The following ST6GALNAC3 variants were observed in gnomAD, a reference collection of about 807,000 sequenced individuals.
ST6GALNAC3 encodes the protein alpha-N-acetylgalactosaminide alpha-2,6-sialyltransferase 3.
In ST6GALNAC3, 25 loss-of-function variants were observed where a neutral mutation model predicts 32.7. The ratio of observed to expected loss-of-function variants is 0.76; its 90% CI spans 0.56 to 1.07. The LOEUF is 1.07. Ranked by LOEUF, ST6GALNAC3 falls within the 50% of genes least tolerant of loss-of-function variation. The probability of loss-of-function intolerance (pLI) is 0.00; values close to 1 mark genes in which losing one functional copy is unlikely to be tolerated. For synonymous variants in ST6GALNAC3, 129 were observed against 133.1 expected (o/e 0.97, Z 0.21); for missense variants, 355 against 382.4 (o/e 0.93, Z 0.60).
chr1:76,629,175 G>T lies in ST6GALNAC3; in HGVS notation c.*369G>T. 9.8e-7 allele frequency: 1 copy of T among 1,018,492 alleles called. No individual in the cohort carries two copies. Among genetic ancestry groups the T allele is most frequent in the Non-Finnish European group, 1.2e-6 (1 of 852,728 alleles). 63.1% of individuals were successfully genotyped at this position (1,018,492 alleles called of 1,614,324 possible). A position where few individuals can be genotyped will look rare whatever the true frequency, so the allele number is the denominator to read the frequency against. ...TAACTTCCAGAAGCCAAAAGAGTTT[G>T]GCTTCATGAGGCAAGGTGATTGACT... On this transcript the variant is annotated 3_prime_UTR_variant, in exon 5 of 5. Transcript: ENST00000328299.
chr1:76,573,646 T>G (rs561088052), intron 3 of ST6GALNAC3, among the ~76,000 whole-genome samples: 89 of 142,752 alleles, frequency 6.2e-4, no homozygotes, highest in African/African-American at 2.5e-3. Context: ...CAAGGTAGTG[T>G]CTTCCCCCTT....
At chr1:76,481,652 A>G (rs577656602) in intron 3 of ST6GALNAC3, among the ~76,000 whole-genome samples, 2 of 152,318 alleles carry the variant, frequency 1.3e-5, no homozygotes, top group Non-Finnish European at 2.9e-5. Flanking sequence ...TTTAACAATC[A>G]TAGTTCATCA....
chr1:76,151,394 C>T (rs1651031367), intron 1 of ST6GALNAC3, among the ~76,000 whole-genome samples: 1 of 152,180 alleles, frequency 6.6e-6, no homozygotes, highest in African/African-American at 2.4e-5. Flanking sequence ...AAGGCCAGGC[C>T]ATTTGAAAAG....
chr1:76,310,678 C>T (rs74669692), intron 1 of ST6GALNAC3, among the ~76,000 whole-genome samples: 283 of 152,258 alleles, frequency 1.9e-3, no homozygotes, highest in African/African-American at 6.6e-3. Context: ...CTAATTCCAC[C>T]GGGTAGTGGT....
chr1:76,202,268 A>ATGTG (rs58107501), intron 1 of ST6GALNAC3, among the ~76,000 whole-genome samples: 48,724 of 145,200 alleles, frequency 0.34, 8,856 homozygotes, highest in East Asian at 0.59. Context: ...GTGTGCATGC[A>ATGTG]TGTGTGTGTG....
At chr1:76,411,853 C>G in intron 2 of ST6GALNAC3, 155 bp from the exon 3 acceptor site, 1 of 703,154 alleles carries the variant, frequency 1.4e-6, no homozygotes, top group Non-Finnish European at 2.2e-6. Flanking sequence ...ACTTGATAAT[C>G]TGTGGCAGCG....
At chr1:76,478,767 T>TTTTC (rs1659517763) in intron 3 of ST6GALNAC3, among the ~76,000 whole-genome samples, 1 of 142,824 alleles carries the variant, frequency 7.0e-6, no homozygotes, top group Non-Finnish European at 1.5e-5. Flanking sequence ...ATTCTTTTTT[T>TTTTC]TTTTTTTTTT....
chr1:76,364,897 G>A (rs998696383), intron 2 of ST6GALNAC3, among the ~76,000 whole-genome samples: 1 of 152,110 alleles, frequency 6.6e-6, no homozygotes, highest in Non-Finnish European at 1.5e-5. Flanking sequence ...CTTAGTTCAG[G>A]CACTATGGAA....
chr1:76,370,475 C>T (rs946254858), intron 2 of ST6GALNAC3, among the ~76,000 whole-genome samples: 9 of 152,110 alleles, frequency 5.9e-5, no homozygotes, highest in Admixed American at 2.0e-4. Flanking sequence ...GACATATCCC[C>T]GGACTAAAAC....
intron 1 of ST6GALNAC3, among the ~76,000 whole-genome samples, chr1:76,098,528 G>A (rs1237805371): frequency 6.6e-6 from 1 of 152,124 alleles, no homozygotes; most frequent in Non-Finnish European, 1.5e-5. Context: ...TTAAGAATGA[G>A]GTTGAACACC....
chr1:76,443,639 A>G (rs1449539775), intron 3 of ST6GALNAC3, among the ~76,000 whole-genome samples: 1 of 152,180 alleles, frequency 6.6e-6, no homozygotes, highest in Non-Finnish European at 1.5e-5. Flanking sequence ...TAAACCAAAA[A>G]GTATTTGGCT....
chr1:76,620,558 C>T (rs544664856), intron 3 of ST6GALNAC3, among the ~76,000 whole-genome samples: 76 of 152,140 alleles, frequency 5.0e-4, no homozygotes, highest in Non-Finnish European at 7.2e-4. Context: ...TAGATGGCTG[C>T]CCTCTGGCTG....
chr1:76,523,391 C>A (rs952865169), intron 3 of ST6GALNAC3, among the ~76,000 whole-genome samples: 6 of 152,040 alleles, frequency 3.9e-5, no homozygotes, highest in African/African-American at 1.5e-4. Context: ...CTGTCTCTTG[C>A]CATGCCCAAA....
At chr1:76,290,393 C>T (rs1660016269) in intron 1 of ST6GALNAC3, among the ~76,000 whole-genome samples, 1 of 152,126 alleles carries the variant, frequency 6.6e-6, no homozygotes, top group Non-Finnish European at 1.5e-5. Context: ...AGATCTACCT[C>T]ACTCCTTTCA....
intron 2 of ST6GALNAC3, among the ~76,000 whole-genome samples, chr1:76,379,299 C>G (rs1264477420): frequency 6.6e-6 from 1 of 152,132 alleles, no homozygotes; most frequent in Non-Finnish European, 1.5e-5. Context: ...TCTTTTCAAG[C>G]CTTTTTCTCC....
At chr1:76,196,162 A>T (rs1654192661) in intron 1 of ST6GALNAC3, among the ~76,000 whole-genome samples, 1 of 152,218 alleles carries the variant, frequency 6.6e-6, no homozygotes, top group Non-Finnish European at 1.5e-5. Context: ...ATTATTGTGA[A>T]AATGGAGTTT....
intron 3 of ST6GALNAC3, among the ~76,000 whole-genome samples, chr1:76,462,469 G>A (rs955157449): frequency 2.0e-5 from 3 of 151,968 alleles, no homozygotes; most frequent in Non-Finnish European, 4.4e-5. Context: ...CCTTTTAAAA[G>A]TGTGAGATCT....
At chr1:76,329,319 A>G (rs1054733521) in intron 2 of ST6GALNAC3, among the ~76,000 whole-genome samples, 1 of 152,176 alleles carries the variant, frequency 6.6e-6, no homozygotes, top group Non-Finnish European at 1.5e-5. Flanking sequence ...TTTTCAATGC[A>G]TCCTGCCCCC....
At chr1:76,115,318 T>A (rs1330751505) in intron 1 of ST6GALNAC3, among the ~76,000 whole-genome samples, 2 of 151,574 alleles carry the variant, frequency 1.3e-5, no homozygotes, top group East Asian at 3.9e-4. Context: ...TAGCTCCTCC[T>A]CCCCCTCAAC....
Sources: gnomAD v4.1 joint callset for allele counts (sites outside exome capture counted in the v4.1 genomes callset) on GRCh38, gnomAD v4.1.1 for gene constraint, MANE v1.5 for transcripts, NCBI Gene and HGNC (gene_info 2026-07-23, HGNC 2026-07-21) for gene names.